The following CSDE1 variants were observed in gnomAD, a reference collection of about 807,000 sequenced individuals.
CSDE1 encodes cold shock domain containing E1.
In CSDE1, 17 loss-of-function variants were observed where a neutral mutation model predicts 89.3. That is an observed-to-expected ratio of 0.19 (90% CI 0.13 to 0.29). The LOEUF (loss-of-function observed/expected upper bound fraction) is 0.29, where lower values mean the gene tolerates loss of function less well. CSDE1 is among the 10% of genes least tolerant of loss of function. The pLI, the probability that CSDE1 is intolerant of heterozygous loss-of-function variation, is 1.00. For synonymous variants in CSDE1, 322 were observed against 332.8 expected (o/e 0.97, Z 0.35); for missense variants, 672 against 984.2 (o/e 0.68, Z 4.24).
At chr1:114,756,000 T>A (rs1373767538) in intron 1 of CSDE1, among the ~76,000 whole-genome samples, 1 of 152,166 alleles carries the variant, frequency 6.6e-6, no homozygotes, top group African/African-American at 2.4e-5. Context: ...TAGCATTTTG[T>A]TTGTTTAAAA....
At chr1:114,728,781 A>T (rs550430333) in intron 12 of CSDE1, among the ~76,000 whole-genome samples, 1 of 152,352 alleles carries the variant, frequency 6.6e-6, no homozygotes, top group African/African-American at 2.4e-5. Flanking sequence ...TAAAAACTGA[A>T]GCTCAGAGGT....
chr1:114,726,084 C>T, intron 14 of CSDE1, 127 bp downstream of exon 14: 7 of 966,384 alleles, frequency 7.2e-6, no homozygotes, highest in Non-Finnish European at 1.1e-5. Context: ...TTATATCTTG[C>T]CATAATTCTA....
intron 3 of CSDE1, among the ~76,000 whole-genome samples, chr1:114,739,172 C>T (rs888229922): frequency 6.6e-6 from 1 of 152,116 alleles, no homozygotes; most frequent in East Asian, 1.9e-4. Context: ...GCTGGGACTA[C>T]AGGTGCCTGC....
intron 17 of CSDE1, 163 bp downstream of exon 17, chr1:114,720,376 T>G: frequency 1.6e-6 from 1 of 635,092 alleles, no homozygotes; most frequent in Non-Finnish European, 2.6e-6. Context: ...TTTTGTGTAG[T>G]TTTCTGTTTT....
At chr1:114,725,527 C>T (rs1361780926) in intron 14 of CSDE1, among the ~76,000 whole-genome samples, 194 bp from the exon 15 acceptor site, 1 of 152,180 alleles carries the variant, frequency 6.6e-6, no homozygotes, top group Non-Finnish European at 1.5e-5. Flanking sequence ...TCCCTAACTT[C>T]AGGATAATGA....
chr1:114,722,992 C>A (rs1659609178), intron 16 of CSDE1, among the ~76,000 whole-genome samples: 1 of 152,044 alleles, frequency 6.6e-6, no homozygotes, highest in Non-Finnish European at 1.5e-5. Flanking sequence ...GTAAACCAAG[C>A]CATCATCTTT....
intron 2 of CSDE1, chr1:114,741,514 T>C: frequency 6.5e-7 from 1 of 1,544,094 alleles, no homozygotes; most frequent in Non-Finnish European, 8.8e-7. Context: ...AGATGACTGC[T>C]TTCCTGACTT....
At chr1:114,753,988 G>A (rs779572045) in intron 1 of CSDE1, among the ~76,000 whole-genome samples, 20 of 152,206 alleles carry the variant, frequency 1.3e-4, no homozygotes, top group Non-Finnish European at 2.8e-4. Context: ...ATGTGTATCT[G>A]AGAATCATAC....
chr1:114,731,507 A>C (rs1209094687), intron 10 of CSDE1, among the ~76,000 whole-genome samples: 1 of 152,212 alleles, frequency 6.6e-6, no homozygotes, highest in Non-Finnish European at 1.5e-5. Flanking sequence ...AAGAAACTTA[A>C]ATTTTCATTC....
At chr1:114,736,596 G>A (rs1660414351) in intron 6 of CSDE1, among the ~76,000 whole-genome samples, 162 bp downstream of exon 6, 1 of 146,992 alleles carries the variant, frequency 6.8e-6, no homozygotes, top group Non-Finnish European at 1.5e-5. Flanking sequence ...CATCATGGCT[G>A]TAATACAATA....
intron 2 of CSDE1, among the ~76,000 whole-genome samples, chr1:114,745,291 A>G (rs897812443): frequency 1.3e-5 from 2 of 152,226 alleles, no homozygotes; most frequent in African/African-American, 4.8e-5. Context: ...TAACAAATAT[A>G]TTTTTGTAGC....
At chr1:114,740,323 T>C (rs560945796) in intron 2 of CSDE1, among the ~76,000 whole-genome samples, 20 of 152,336 alleles carry the variant, frequency 1.3e-4, no homozygotes, top group Non-Finnish European at 2.8e-4. Context: ...AATACCTTAA[T>C]ACTGTTTAGT....
intron 2 of CSDE1, among the ~76,000 whole-genome samples, chr1:114,749,238 C>A (rs1232411054): frequency 6.6e-6 from 1 of 152,150 alleles, no homozygotes; most frequent in African/African-American, 2.4e-5. Flanking sequence ...TATCTTTTAG[C>A]CTATATTGTG....
intron 1 of CSDE1, among the ~76,000 whole-genome samples, chr1:114,750,919 C>T (rs1661273075): frequency 6.6e-6 from 1 of 152,224 alleles, no homozygotes; most frequent in Non-Finnish European, 1.5e-5. Context: ...GTGAAGTCTT[C>T]TGCATGAATG....
chr1:114,752,085 A>G (rs1429841219), intron 1 of CSDE1, among the ~76,000 whole-genome samples: 1 of 152,056 alleles, frequency 6.6e-6, no homozygotes, highest in Non-Finnish European at 1.5e-5. Context: ...GGCAACGTGG[A>G]GAAACCCCAT....
rs185017174 is a variant in CSDE1, at chr1:114,719,212, C to T, written c.2216+367G>A. ...TAGTCCCAGCTACTGGGGAAGCTGACGTGGGAGAATTGCTTAGGCCCAGGG... is the reference window on the plus strand; with the variant it reads ...TAGTCCCAGCTACTGGGGAAGCTGATGTGGGAGAATTGCTTAGGCCCAGGG... On this transcript the variant is annotated intron_variant, in intron 18 of 19. Coordinates refer to ENST00000358528, the MANE Select transcript of CSDE1 (RefSeq NM_001007553.3). Among the ~76,000 whole-genome samples, 403 of 152,150 alleles carry T rather than the reference C, an allele frequency of 2.6e-3. 2 individuals carry two copies. Among genetic ancestry groups the T allele is most frequent in the Middle Eastern group, 0.024 (7 of 294 alleles).
intron 2 of CSDE1, among the ~76,000 whole-genome samples, chr1:114,744,397 T>C (rs532923949): frequency 2.0e-5 from 3 of 152,140 alleles, no homozygotes; most frequent in East Asian, 3.9e-4. Context: ...CCTAGGCACA[T>C]GGCAAAACCC....
intron 2 of CSDE1, among the ~76,000 whole-genome samples, chr1:114,742,943 C>A (rs1272313008): frequency 6.6e-6 from 1 of 152,186 alleles, no homozygotes; most frequent in South Asian, 2.1e-4. Context: ...TTTATAATAT[C>A]CCTCACTTCA....
intron 5 of CSDE1, 102 bp from the exon 6 acceptor site, chr1:114,736,957 A>G (rs1660437674): frequency 1.3e-6 from 1 of 758,296 alleles, no homozygotes; most frequent in Admixed American, 2.8e-5. Flanking sequence ...ATTTTAAGCC[A>G]AATTTCTTAA....
Sources: allele counts gnomAD v4.1 joint callset (sites outside exome capture counted in the v4.1 genomes callset), GRCh38; gene constraint gnomAD v4.1.1; transcripts MANE v1.5; gene names NCBI Gene and HGNC (gene_info 2026-07-23, HGNC 2026-07-21).